IQCH: variants seen among roughly 807,000 people sequenced by gnomAD.
IQCH encodes IQ motif containing H.
A neutral mutation model predicts 117.0 loss-of-function variants in IQCH; 98 were observed. The ratio of observed to expected loss-of-function variants is 0.84; its 90% CI spans 0.71 to 0.99. The LOEUF is 0.99. Ranked by LOEUF, IQCH falls within the 50% of genes least tolerant of loss-of-function variation. IQCH has a pLI of 0.00. For missense variants in IQCH, 1,102 were observed against 1,243.8 expected, an observed-to-expected ratio of 0.89 and a Z score of 1.72; for synonymous variants, 412 against 448.2, an observed-to-expected ratio of 0.92 and a Z score of 1.02.
At position 67,403,491 on chromosome 15, in the gene IQCH, A is replaced by G. The variant is rs888335293; in HGVS notation, c.2097+3186A>G. ...TTTTTTTCTTGGTGACTTGGTACCA[A>G]GCCTATTCTCTTCATCCTACCAGCT... On this transcript the variant is annotated intron_variant, in intron 14 of 20. Coordinates refer to ENST00000335894, the MANE Select transcript of IQCH (RefSeq NM_001031715.3). This position sits in a 1 kb window ranked among gnomAD's most constrained non-coding sequence, Gnocchi z 4.8. 6.6e-6 allele frequency: 1 copy of G among 152,174 alleles called. No individual in the cohort carries two copies. The highest frequency in any genetic ancestry group is 1.5e-5 in the Non-Finnish European group (1 of 68,034). 9.4% of individuals were successfully genotyped at this position (152,174 alleles called of 1,614,324 possible).
chr15:67,354,142 C>T (rs990485591), intron 6 of IQCH, among the ~76,000 whole-genome samples: 13 of 152,032 alleles, frequency 8.6e-5, no homozygotes, highest in African/African-American at 2.9e-4. Context: ...TGTAACTTTG[C>T]TACCAAAATT....
At chr15:67,442,224 G>A (rs773337883) in intron 16 of IQCH, among the ~76,000 whole-genome samples, 27 of 151,620 alleles carry the variant, frequency 1.8e-4, no homozygotes, top group Non-Finnish European at 2.9e-4. Context: ...CAGCCTGACC[G>A]ACATGGAGAA....
chr15:67,435,330 A>C (rs1466143750), intron 16 of IQCH, among the ~76,000 whole-genome samples: 1 of 152,116 alleles, frequency 6.6e-6, no homozygotes, highest in Non-Finnish European at 1.5e-5. Flanking sequence ...AATGCCTGTA[A>C]TCTTAGCACC....
chr15:67,369,820 T>C lies in IQCH; in HGVS notation c.754-2291T>C, dbSNP rs576533154. ...GGAAGCCTTTCTCTTGAGAGGCATGTCTTTTCTTGCTCCAAGTCTAAAGTG... is the reference window on the plus strand; with the variant it reads ...GGAAGCCTTTCTCTTGAGAGGCATGCCTTTTCTTGCTCCAAGTCTAAAGTG... On this transcript the variant is annotated intron_variant, in intron 8 of 20. Coordinates refer to ENST00000335894, the MANE Select transcript of IQCH (RefSeq NM_001031715.3). The surrounding 1 kb of genome is among the most constrained non-coding windows in gnomAD (Gnocchi z 5.2). Among the ~76,000 whole-genome samples, 16 of 152,306 alleles carry C rather than the reference T, an allele frequency of 1.1e-4. No homozygotes were observed. In the South Asian group the frequency reaches 3.3e-3, roughly 32 times the overall value.
Position 67,340,433 on chromosome 15 carries a change from A to C in IQCH, c.508+3338A>C, listed in dbSNP as rs1165641546. ...CAGAGAGATACTCCATCTCAAAAAA[A>C]AAAAAAAAAAAAAAAAAAAAAAAAA... On this transcript the variant is annotated intron_variant, in intron 5 of 20. Coordinates refer to ENST00000335894, the MANE Select transcript of IQCH (RefSeq NM_001031715.3). Among the ~76,000 whole-genome samples, 91 of 34,078 alleles carry C rather than the reference A, an allele frequency of 2.7e-3. 7 individuals carry two copies. The highest frequency in any genetic ancestry group is 0.021 in the East Asian group (58 of 2,706). 22.4% of individuals were successfully genotyped at this position (34,078 alleles called of 152,430 possible).
intron 4 of IQCH, among the ~76,000 whole-genome samples, chr15:67,318,728 G>T (rs17526859): frequency 0.21 from 31,590 of 152,068 alleles, 4,031 homozygotes; most frequent in East Asian, 0.47. Flanking sequence ...CGTAGATATT[G>T]CCCTTAGTGT....
At position 67,384,796 on chromosome 15, in the gene IQCH, G is replaced by C. The variant is rs1233197912; in HGVS notation, c.1373-140G>C. On this transcript the variant is annotated intron_variant, in intron 10 of 20. Coordinates refer to ENST00000335894, the MANE Select transcript of IQCH (RefSeq NM_001031715.3). The surrounding 1 kb of genome is among the most constrained non-coding windows in gnomAD (Gnocchi z 4.3). ...CCGAGAAACAAGCACCTCATTCTTCGGGATTGGGTTGTTTCTGTAAGATGC... is the reference window on the plus strand; with the variant it reads ...CCGAGAAACAAGCACCTCATTCTTCCGGATTGGGTTGTTTCTGTAAGATGC... The C allele has an allele frequency of 6.9e-6, 4 of 577,744 alleles. No homozygotes were observed. The African/African-American group carries it at 7.6e-5, about 11-fold the overall frequency. The allele number at this position is 577,744 out of a possible 1,614,324, so 35.8% of individuals were successfully genotyped here.
intron 3 of IQCH, among the ~76,000 whole-genome samples, chr15:67,277,530 CTTTT>C (rs574311972): frequency 0.44 from 56,441 of 128,500 alleles, 12,146 homozygotes; most frequent in Non-Finnish European, 0.5. Flanking sequence ...CCTCCAGTAT[CTTTT>C]TTTTTTTTTT....
At position 67,403,430 on chromosome 15, in the gene IQCH, A is replaced by G. The variant is rs1360357292; in HGVS notation, c.2097+3125A>G. On this transcript the variant is annotated intron_variant, in intron 14 of 20. Transcript: ENST00000335894. The surrounding 1 kb of genome is among the most constrained non-coding windows in gnomAD (Gnocchi z 4.8). ...ATTTTTAGGAAAAGCAGAATGTTAC[A>G]TGATGGCCAAAATGAAAACAGAACA... is the stretch of plus-strand genomic sequence containing the variant. Among the ~76,000 whole-genome samples, 1 of 152,152 alleles carries G rather than the reference A, an allele frequency of 6.6e-6. No individual in the cohort carries two copies. The highest frequency in any genetic ancestry group is 2.4e-5 in the African/African-American group (1 of 41,420).
At chr15:67,497,879 AAGAC>A (rs1265212784) in intron 20 of IQCH, among the ~76,000 whole-genome samples, 1 of 152,162 alleles carries the variant, frequency 6.6e-6, no homozygotes, top group African/African-American at 2.4e-5. Context: ...AATAAACAGA[AAGAC>A]AGTCTGTATT....
intron 4 of IQCH, among the ~76,000 whole-genome samples, chr15:67,311,867 A>T (rs1967612771): frequency 6.6e-6 from 1 of 152,118 alleles, no homozygotes; most frequent in Non-Finnish European, 1.5e-5. Flanking sequence ...CTTAATTAAA[A>T]CAAAGGAGTT....
At chr15:67,290,657 C>G (rs893148866) in intron 4 of IQCH, among the ~76,000 whole-genome samples, 1 of 151,544 alleles carries the variant, frequency 6.6e-6, no homozygotes, top group Non-Finnish European at 1.5e-5. Context: ...CAAGGCTTTA[C>G]GCTTAACCTA....
At position 67,261,209 on chromosome 15, in the gene IQCH, A is replaced by G. The variant is rs1028223299; in HGVS notation, c.52-63A>G. The G allele has an allele frequency of 8.4e-6, 10 of 1,194,798 alleles. No homozygotes were observed. In the East Asian group the frequency reaches 2.8e-4, roughly 33 times the overall value. 74.0% of individuals were successfully genotyped at this position (1,194,798 alleles called of 1,614,324 possible). A position where few individuals can be genotyped will look rare whatever the true frequency, so the allele number is the denominator to read the frequency against. On this transcript the variant is annotated intron_variant, in intron 1 of 20. Coordinates refer to ENST00000335894, the MANE Select transcript of IQCH (RefSeq NM_001031715.3). Reference sequence around the variant, plus strand: ...AGTACATTGCAAACCTTTAAGATAAATAACTGCTATAGGTGGACTATGTGT... The same window carrying G: ...AGTACATTGCAAACCTTTAAGATAAGTAACTGCTATAGGTGGACTATGTGT...
At chr15:67,333,005 T>C (rs1318405753) in intron 4 of IQCH, among the ~76,000 whole-genome samples, 1 of 152,220 alleles carries the variant, frequency 6.6e-6, no homozygotes, top group African/African-American at 2.4e-5. Flanking sequence ...GCAGATTTGG[T>C]GTCTGGTGAG....
intron 4 of IQCH, among the ~76,000 whole-genome samples, chr15:67,320,080 G>A (rs1968043117): frequency 6.6e-6 from 1 of 152,186 alleles, no homozygotes; most frequent in Non-Finnish European, 1.5e-5. Context: ...TACTGATACA[G>A]CATAGAAATT....
intron 3 of IQCH, among the ~76,000 whole-genome samples, chr15:67,268,029 G>A (rs113468227): frequency 0.013 from 2,024 of 152,256 alleles, 39 homozygotes; most frequent in African/African-American, 0.045. Flanking sequence ...GCTCAGAGAG[G>A]TTATGTAAAC....
chr15:67,349,167 ACAAAG>A (rs1160997961), intron 6 of IQCH, among the ~76,000 whole-genome samples: 1 of 152,254 alleles, frequency 6.6e-6, no homozygotes, highest in Non-Finnish European at 1.5e-5. Context: ...TTGGAAGAAA[ACAAAG>A]GGGAAAATTT....
intron 8 of IQCH, 70 bp from the exon 9 acceptor site, chr15:67,372,041 G>C (rs924325272): frequency 7.7e-7 from 1 of 1,304,462 alleles, no homozygotes; most frequent in African/African-American, 1.5e-5. Context: ...TGTAGTGTGT[G>C]TCTTGACCAC....
intron 1 of IQCH, among the ~76,000 whole-genome samples, chr15:67,255,859 C>T (rs1317166081): frequency 6.6e-6 from 1 of 152,178 alleles, no homozygotes; most frequent in Non-Finnish European, 1.5e-5. Flanking sequence ...CATAGACTTC[C>T]CCATTAAGAA....
Sources: allele counts gnomAD v4.1 joint callset (sites outside exome capture counted in the v4.1 genomes callset), GRCh38; gene constraint gnomAD v4.1.1; non-coding constraint Gnocchi (gnomAD v3.1); transcripts MANE v1.5; gene names NCBI Gene and HGNC (gene_info 2026-07-23, HGNC 2026-07-21).